RORA: variants seen among roughly 807,000 people sequenced by gnomAD.
The protein encoded by RORA is RAR related orphan receptor A.
A neutral mutation model predicts 69.5 loss-of-function variants in RORA; 7 were observed. The observed-to-expected ratio is 0.10, with a 90% CI of 0.06 to 0.19. The LOEUF is 0.19. Among genes scored for constraint, RORA ranks in the 10% least tolerant of loss-of-function variants. The pLI, the probability that RORA is intolerant of heterozygous loss-of-function variation, is 1.00. For missense variants in RORA, 457 were observed against 663.0 expected (o/e 0.69, Z 3.41); for synonymous variants, 261 against 240.8 (o/e 1.08, Z -0.78).
chr15:60,819,704 T>C (rs2072862402), intron 1 of RORA, among the ~76,000 whole-genome samples: 1 of 150,858 alleles, frequency 6.6e-6, no homozygotes. Flanking sequence ...AGGGGCTCCC[T>C]AGTGCTTTGG....
chr15:60,708,524 G>T (rs777661804), intron 1 of RORA, among the ~76,000 whole-genome samples: 1 of 152,082 alleles, frequency 6.6e-6, no homozygotes, highest in Admixed American at 6.5e-5. Context: ...ATGCCTGTAT[G>T]TGTGTCCCAG....
chr15:61,191,734 T>C (rs1006614462), intron 1 of RORA, among the ~76,000 whole-genome samples: 2 of 152,226 alleles, frequency 1.3e-5, no homozygotes, highest in Non-Finnish European at 2.9e-5. Context: ...GACAACTCTG[T>C]CCATCAAGGA....
At chr15:60,557,885 AT>A (rs1464575421) in intron 2 of RORA, among the ~76,000 whole-genome samples, 1 of 145,444 alleles carries the variant, frequency 6.9e-6, no homozygotes, top group African/African-American at 2.9e-5. Flanking sequence ...GTTATCATAA[AT>A]ATTTTTAAAG....
intron 1 of RORA, among the ~76,000 whole-genome samples, chr15:60,892,154 T>G (rs888969651): frequency 2.0e-5 from 3 of 152,170 alleles, no homozygotes; most frequent in Admixed American, 2.0e-4. Flanking sequence ...CCATTCCTGA[T>G]GAGGCCAACA....
rs2079796136 is a variant in RORA, at chr15:61,191,152, T to C, written c.166+37901A>G. Reference sequence around the variant, plus strand: ...AAAGGCTGGCTCCACCGTTACGGATTTGGGCAAAGCTCTGAACCTCTGTTT... The same window carrying C: ...AAAGGCTGGCTCCACCGTTACGGATCTGGGCAAAGCTCTGAACCTCTGTTT... On this transcript the variant is annotated intron_variant, in intron 1 of 10. Transcript: ENST00000335670. Among the ~76,000 whole-genome samples, 3 of 152,108 alleles carry C rather than the reference T, an allele frequency of 2.0e-5. No individual in the cohort carries two copies. The South Asian group carries it at 6.2e-4, about 32-fold the overall frequency.
intron 1 of RORA, among the ~76,000 whole-genome samples, chr15:61,087,404 T>A (rs1332884659): frequency 6.6e-6 from 1 of 152,244 alleles, no homozygotes; most frequent in African/African-American, 2.4e-5. Context: ...CTCTCAGCAG[T>A]GTCTTCAAAT....
chr15:61,179,002 CTT>C (rs2079657223), intron 1 of RORA, among the ~76,000 whole-genome samples: 2 of 152,202 alleles, frequency 1.3e-5, no homozygotes. Flanking sequence ...ATTCTTTTCT[CTT>C]TTGTGGATTC....
chr15:61,208,084 T>C (rs1476880276), intron 1 of RORA, among the ~76,000 whole-genome samples: 3 of 152,206 alleles, frequency 2.0e-5, no homozygotes, highest in Non-Finnish European at 4.4e-5. Flanking sequence ...AAGAGAGACC[T>C]GTTTTTTCCC....
rs183197944 is a variant in RORA, at chr15:60,556,808, G to A, written c.197-24957C>T. 1.5e-4 allele frequency: 211 copies of A among 1,435,792 alleles called. No homozygotes were observed. In the East Asian group the frequency reaches 3.5e-3, roughly 24 times the overall value. The allele number at this position is 1,435,792 out of a possible 1,614,324, so 88.9% of individuals were successfully genotyped here. The stretch of plus-strand genomic sequence containing the variant: ...ACCTCACTTCTTCCTAAAAGCCTTC[G>A]TAAATGAAGAAACCTTGCAAATTAC... On this transcript the variant is annotated intron_variant, in intron 2 of 10. Coordinates refer to ENST00000335670, the MANE Select transcript of RORA (RefSeq NM_134261.3).
intron 1 of RORA, among the ~76,000 whole-genome samples, chr15:60,909,227 G>A (rs1363304731): frequency 2.0e-5 from 3 of 152,204 alleles, no homozygotes; most frequent in African/African-American, 7.2e-5. Flanking sequence ...GCTTCGACCT[G>A]CTTGGAGTTC....
intron 5 of RORA, among the ~76,000 whole-genome samples, chr15:60,507,819 G>C (rs1231567590): frequency 6.6e-6 from 1 of 152,092 alleles, no homozygotes; most frequent in Non-Finnish European, 1.5e-5. Context: ...GATGAGAAGA[G>C]GCTCATATCA....
At chr15:60,508,755 T>C (rs903565361) in intron 5 of RORA, among the ~76,000 whole-genome samples, 3 of 152,208 alleles carry the variant, frequency 2.0e-5, no homozygotes, top group Admixed American at 6.5e-5. Flanking sequence ...CCACAACCCA[T>C]ATAAGCGGAT....
intron 1 of RORA, among the ~76,000 whole-genome samples, chr15:60,992,653 T>C (rs1299525373): frequency 6.6e-6 from 1 of 150,778 alleles, no homozygotes; most frequent in African/African-American, 2.4e-5. Context: ...TCGTCATCCC[T>C]TGTCCCACAG....
chr15:60,690,404 C>T (rs538391921), intron 1 of RORA, among the ~76,000 whole-genome samples: 3 of 152,186 alleles, frequency 2.0e-5, no homozygotes, highest in Non-Finnish European at 4.4e-5. Context: ...TTGCATAAGG[C>T]CATGACCCAG....
At chr15:60,592,582 A>T (rs1484440355) in intron 2 of RORA, 4 of 1,215,206 alleles carry the variant, frequency 3.3e-6, no homozygotes, top group Non-Finnish European at 4.1e-6. Flanking sequence ...ACCGGCTGAC[A>T]TCACGGCCGC....
intron 2 of RORA, among the ~76,000 whole-genome samples, chr15:60,587,724 G>A (rs1249614237): frequency 6.6e-6 from 1 of 152,122 alleles, no homozygotes; most frequent in African/African-American, 2.4e-5. Context: ...GGAAAACCTA[G>A]GGAATAATCT....
chr15:61,037,814 G>A (rs1344858025), intron 1 of RORA, among the ~76,000 whole-genome samples: 2 of 152,168 alleles, frequency 1.3e-5, no homozygotes, highest in African/African-American at 4.8e-5. Flanking sequence ...GATGGAAGAA[G>A]GCCATGCGAA....
intron 1 of RORA, among the ~76,000 whole-genome samples, chr15:61,065,245 C>A (rs1228568068): frequency 6.6e-6 from 1 of 152,208 alleles, no homozygotes; most frequent in Non-Finnish European, 1.5e-5. Context: ...CTGTTTGTAA[C>A]TGTTTTATTT....
chr15:60,974,344 C>T (rs1893814607), intron 1 of RORA, among the ~76,000 whole-genome samples: 1 of 152,184 alleles, frequency 6.6e-6, no homozygotes, highest in African/African-American at 2.4e-5. Flanking sequence ...TCACCAGCAC[C>T]CCCTTGCCAG....
Sources: allele counts gnomAD v4.1 joint callset (sites outside exome capture counted in the v4.1 genomes callset), GRCh38; gene constraint gnomAD v4.1.1; transcripts MANE v1.5; gene names NCBI Gene and HGNC (gene_info 2026-07-23, HGNC 2026-07-21).